Variants in TRPC5 observed in about 807,000 individuals in gnomAD.
TRPC5 encodes short transient receptor potential channel 5.
In TRPC5, 9 loss-of-function variants were observed where a neutral mutation model predicts 56.5. The observed-to-expected ratio is 0.16, with a 90% CI of 0.10 to 0.28. The LOEUF (loss-of-function observed/expected upper bound fraction) is 0.28, where lower values mean the gene tolerates loss of function less well. Among genes scored for constraint, TRPC5 ranks in the 10% least tolerant of loss-of-function variants. TRPC5 has a pLI of 1.00. For missense variants in TRPC5, 469 were observed against 748.9 expected, an observed-to-expected ratio of 0.63 and a Z score of 4.36; for synonymous variants, 282 against 278.5, an observed-to-expected ratio of 1.01 and a Z score of -0.13.
chrX:111,995,360 G>A (rs754961427), intron 1 of TRPC5, among the ~76,000 whole-genome samples: 4 of 111,639 alleles, frequency 3.6e-5, no homozygotes, highest in East Asian at 2.8e-4. Context: ...TGCTGGATTC[G>A]GTTTGCCAGT....
intron 3 of TRPC5, among the ~76,000 whole-genome samples, chrX:111,910,634 C>A (rs1189939517): frequency 8.9e-6 from 1 of 112,327 alleles, no homozygotes. Context: ...CAGGTTCAAG[C>A]GATTCTCGTG....
chrX:111,893,807 A>C (rs968820190), intron 3 of TRPC5, among the ~76,000 whole-genome samples: 14 of 112,107 alleles, frequency 1.2e-4, no homozygotes, highest in Admixed American at 1.2e-3. Context: ...GCTGTATTGC[A>C]CACAGTTATT....
intron 1 of TRPC5, among the ~76,000 whole-genome samples, chrX:111,987,306 T>G (rs969055999): frequency 8.9e-6 from 1 of 111,882 alleles, no homozygotes. Context: ...CAAATTAACA[T>G]AACAGTCATC....
chrX:112,008,974 C>T (rs1928921145), intron 1 of TRPC5, among the ~76,000 whole-genome samples: 1 of 111,557 alleles, frequency 9.0e-6, no homozygotes, highest in Non-Finnish European at 1.9e-5. Flanking sequence ...CCTGGCTTAT[C>T]CAGACCATGT....
At chrX:111,969,951 T>A (rs1473527264) in intron 1 of TRPC5, among the ~76,000 whole-genome samples, 1 of 111,044 alleles carries the variant, frequency 9.0e-6, no homozygotes, top group Non-Finnish European at 1.9e-5. Flanking sequence ...TGGGACTGTG[T>A]CATACGTTTA....
chrX:112,047,304 CA>C (rs970646605), intron 1 of TRPC5, among the ~76,000 whole-genome samples: 6 of 111,514 alleles, frequency 5.4e-5, no homozygotes, highest in African/African-American at 2.0e-4. Flanking sequence ...AAGTGGTTTT[CA>C]GGCTTTATAA....
chrX:111,987,216 C>CT (rs1211300472), intron 1 of TRPC5, among the ~76,000 whole-genome samples: 4 of 111,586 alleles, frequency 3.6e-5, no homozygotes. Flanking sequence ...TAGATTAAGA[C>CT]TTTTTTATTG....
intron 5 of TRPC5, among the ~76,000 whole-genome samples, chrX:111,852,004 G>A (rs768935604): frequency 8.9e-6 from 1 of 112,311 alleles, no homozygotes; most frequent in African/African-American, 3.2e-5. Context: ...CTGGGCCATT[G>A]TGTTGGCACG....
intron 1 of TRPC5, among the ~76,000 whole-genome samples, chrX:112,033,704 GGTGTGAAGTAT>G (rs1197905281): frequency 9.0e-6 from 1 of 111,180 alleles, no homozygotes; most frequent in African/African-American, 3.3e-5. Context: ...TTTTGTATAT[GGTGTGAAGTAT>G]GTGCAATTTC....
At position 111,993,697 on chromosome X, in the gene TRPC5, C is replaced by T. The variant is rs1399867156; in HGVS notation, c.-21-41256G>A. Among the ~76,000 whole-genome samples the T allele has an allele frequency of 2.7e-5, 3 of 112,283 alleles. No homozygotes were observed. The East Asian group carries it at 8.4e-4, about 32-fold the overall frequency. On this transcript the variant is annotated intron_variant, in intron 1 of 10. Coordinates refer to ENST00000262839, the MANE Select transcript of TRPC5 (RefSeq NM_012471.3). ...ATGTGTCTGTTGGCTGCATAGATGT[C>T]TTCTTTTGAAAAGTGTCTGTTTGTA...
rs149614752 is a variant in TRPC5, at chrX:111,850,369, A to G, written c.1377+1929T>C. On this transcript the variant is annotated intron_variant, in intron 5 of 10. Coordinates refer to ENST00000262839, the MANE Select transcript of TRPC5 (RefSeq NM_012471.3). ...GACTAATTTTGCACTCTAATAAAAT[A>G]AAGGATCTTTAAAAACAGCTCATTC... Among the ~76,000 whole-genome samples, 14 of 111,933 alleles carry G rather than the reference A, an allele frequency of 1.3e-4. No individual in the cohort carries two copies. The East Asian group carries it at 3.9e-3, about 31-fold the overall frequency.
At chrX:111,789,048 G>T (rs1205130559) in intron 7 of TRPC5, among the ~76,000 whole-genome samples, 1 of 111,884 alleles carries the variant, frequency 8.9e-6, no homozygotes, top group Non-Finnish European at 1.9e-5. Context: ...TTTCTTCACA[G>T]AATTGGAAAA....
intron 2 of TRPC5, among the ~76,000 whole-genome samples, chrX:111,940,607 C>T (rs1047238786): frequency 1.1e-4 from 11 of 102,589 alleles, no homozygotes; most frequent in Admixed American, 5.5e-4. Context: ...AGGAGAATGG[C>T]GTGAACCCAG....
chrX:111,858,313 T>C lies in TRPC5; in HGVS notation c.901-4207A>G, dbSNP rs757087040. ...GAGTGCGTACCCACTAGATGCCTCA[T>C]TGCACAAAAACCCGAACTGTCCAGA... On this transcript the variant is annotated intron_variant, in intron 3 of 10. Coordinates refer to ENST00000262839, the MANE Select transcript of TRPC5 (RefSeq NM_012471.3). 2.7e-5 allele frequency among the ~76,000 whole-genome samples: 3 copies of C among 111,396 alleles called. No individual in the cohort carries two copies. The Admixed American group carries it at 2.9e-4, about 11-fold the overall frequency.
At chrX:111,942,243 G>A (rs1926800742) in intron 2 of TRPC5, among the ~76,000 whole-genome samples, 1 of 112,282 alleles carries the variant, frequency 8.9e-6, no homozygotes, top group East Asian at 2.8e-4. Flanking sequence ...GTCACTCTGA[G>A]TATACATTTC....
intron 1 of TRPC5, among the ~76,000 whole-genome samples, chrX:111,963,443 A>C (rs774327532): frequency 1.1e-3 from 118 of 112,363 alleles, no homozygotes; most frequent in Middle Eastern, 4.6e-3. Flanking sequence ...CTGCAGACTT[A>C]AATGTCCCTG....
intron 1 of TRPC5, among the ~76,000 whole-genome samples, chrX:112,029,911 TCTGCCTCCCGGGTTCAAGCGAGTCTC>T (rs1424955289): frequency 1.9e-5 from 2 of 107,008 alleles, no homozygotes; most frequent in African/African-American, 6.8e-5. Context: ...CACCGCAACC[TCTGCCTCCCGGGTTCAAGCGAGTCTC>T]CTGCCTCAGC....
chrX:111,924,138 A>G (rs1363773350), intron 2 of TRPC5, among the ~76,000 whole-genome samples: 1 of 112,038 alleles, frequency 8.9e-6, no homozygotes, highest in Non-Finnish European at 1.9e-5. Flanking sequence ...CTGAGAACCC[A>G]GATATAGAGA....
intron 2 of TRPC5, among the ~76,000 whole-genome samples, chrX:111,941,539 C>T (rs944212961): frequency 1.8e-5 from 2 of 112,105 alleles, no homozygotes; most frequent in Non-Finnish European, 3.8e-5. Flanking sequence ...GTGGCATTTC[C>T]ACCAGTCGTG....
Sources: gnomAD v4.1 joint callset for allele counts (sites outside exome capture counted in the v4.1 genomes callset) on GRCh38, gnomAD v4.1.1 for gene constraint, MANE v1.5 for transcripts, NCBI Gene and HGNC (gene_info 2026-07-23, HGNC 2026-07-21) for gene names.